Variants in ZPBP observed in about 807,000 individuals in gnomAD.
ZPBP encodes zona pellucida-binding protein 1.
In ZPBP, 26 loss-of-function variants were observed where a neutral mutation model predicts 44.8. The ratio of observed to expected loss-of-function variants is 0.58; its 90% confidence interval spans 0.43 to 0.81. The LOEUF is 0.81. Among genes scored for constraint, ZPBP ranks in the 30% least tolerant of loss-of-function variants. The pLI is 0.00. For missense variants in ZPBP, 409 were observed against 434.0 expected, an observed-to-expected ratio of 0.94 and a Z score of 0.51; for synonymous variants, 174 against 153.2, an observed-to-expected ratio of 1.14 and a Z score of -1.00.
intron 6 of ZPBP, among the ~76,000 whole-genome samples, chr7:49,989,186 A>T (rs1341712134): frequency 6.6e-6 from 1 of 152,236 alleles, no homozygotes; most frequent in African/African-American, 2.4e-5. Context: ...CTTCCCTTTA[A>T]GGAATCAAGC....
chr7:50,043,305 CCT>C (rs1041523540), intron 4 of ZPBP, among the ~76,000 whole-genome samples: 6 of 152,296 alleles, frequency 3.9e-5, no homozygotes, highest in Admixed American at 2.6e-4. Flanking sequence ...CTGTCAGCCC[CCT>C]GATTTCCCAC....
At chr7:49,900,794 C>T (rs761046083) in intron 2 of ZPBP, among the ~76,000 whole-genome samples, 3 of 151,766 alleles carry the variant, frequency 2.0e-5, no homozygotes, top group Admixed American at 1.3e-4. Context: ...CCAAACCAGA[C>T]ATAGACACTA....
At chr7:50,077,635 A>G (rs532849974) in intron 3 of ZPBP, among the ~76,000 whole-genome samples, 1 of 152,068 alleles carries the variant, frequency 6.6e-6, no homozygotes, top group African/African-American at 2.4e-5. Flanking sequence ...AAACAGGCCT[A>G]TGAAATGGTG....
At chr7:50,027,145 C>CT (rs34202650) in intron 5 of ZPBP, among the ~76,000 whole-genome samples, 117,306 of 151,676 alleles carry the variant, frequency 0.77, 45,459 homozygotes, top group East Asian at 0.87. Context: ...AATATGGACC[C>CT]TTCCCTTTGG....
chr7:49,874,302 T>C (rs901334310), intron 2 of ZPBP, among the ~76,000 whole-genome samples: 3 of 152,224 alleles, frequency 2.0e-5, no homozygotes, highest in Non-Finnish European at 4.4e-5. Context: ...TTTCTATGGT[T>C]AGATATGTTT....
At chr7:49,940,762 A>G (rs1794843550) in intron 7 of ZPBP, 2 of 985,048 alleles carry the variant, frequency 2.0e-6, no homozygotes, top group Non-Finnish European at 2.4e-6. Context: ...ATTCCATCCT[A>G]CACAACTGAG....
intron 4 of ZPBP, among the ~76,000 whole-genome samples, chr7:50,044,979 G>A (rs1374857516): frequency 6.6e-6 from 1 of 152,214 alleles, no homozygotes; most frequent in African/African-American, 2.4e-5. Flanking sequence ...ACTCTGGGAT[G>A]CAAGGCTGGT....
At chr7:50,057,029 C>T (rs1386119525) in intron 4 of ZPBP, among the ~76,000 whole-genome samples, 5 of 151,746 alleles carry the variant, frequency 3.3e-5, no homozygotes, top group South Asian at 2.1e-4. Context: ...ACCAAAAATA[C>T]AAAAAATTAG....
At chr7:50,047,261 G>T (rs1462770210) in intron 4 of ZPBP, among the ~76,000 whole-genome samples, 1 of 151,802 alleles carries the variant, frequency 6.6e-6, no homozygotes, top group Non-Finnish European at 1.5e-5. Context: ...AAACCTACAT[G>T]TTCTACACAT....
chr7:49,858,050 T>C (rs988378887), intron 2 of ZPBP, among the ~76,000 whole-genome samples: 5 of 152,304 alleles, frequency 3.3e-5, no homozygotes, highest in African/African-American at 7.2e-5. Context: ...TTTCTAGTTC[T>C]AGATCCCTGA....
At chr7:50,038,281 T>C (rs1486553122) in intron 4 of ZPBP, among the ~76,000 whole-genome samples, 1 of 152,190 alleles carries the variant, frequency 6.6e-6, no homozygotes, top group Non-Finnish European at 1.5e-5. Context: ...TCAAAGGAAC[T>C]GGTTTCACTT....
At chr7:49,991,433 G>A (rs565891742) in intron 6 of ZPBP, among the ~76,000 whole-genome samples, 3 of 152,196 alleles carry the variant, frequency 2.0e-5, no homozygotes, top group African/African-American at 7.2e-5. Flanking sequence ...GAAAGTAAGG[G>A]TTATATAATC....
At chr7:50,003,714 G>C (rs903000410) in intron 6 of ZPBP, among the ~76,000 whole-genome samples, 1 of 152,050 alleles carries the variant, frequency 6.6e-6, no homozygotes, top group Non-Finnish European at 1.5e-5. Flanking sequence ...GGAGTAATTG[G>C]GGAAGTACTT....
At chr7:49,978,857 A>T (rs1362474572) in intron 7 of ZPBP, among the ~76,000 whole-genome samples, 1 of 152,014 alleles carries the variant, frequency 6.6e-6, no homozygotes, top group East Asian at 1.9e-4. Flanking sequence ...TTAGGGTGAT[A>T]ACCTCCTGTA....
chr7:49,895,375 C>CGTA (rs1792332851), intron 2 of ZPBP, among the ~76,000 whole-genome samples: 2 of 152,186 alleles, frequency 1.3e-5, no homozygotes, highest in Non-Finnish European at 2.9e-5. Flanking sequence ...CAGGGGGACA[C>CGTA]CAATATTCAG....
intron 2 of ZPBP, among the ~76,000 whole-genome samples, chr7:49,865,934 T>G (rs1360733521): frequency 2.6e-5 from 4 of 152,234 alleles, no homozygotes; most frequent in Non-Finnish European, 5.9e-5. Flanking sequence ...TTTGTCCAGT[T>G]GAGAAAGTCT....
rs542001012 is a variant in ZPBP at position 50,000,111 on chromosome 7, A to G, written c.784-16592T>C. ...CTGTGATAAGGTATGTATAGATATT[A>G]TAATTTATAAAGTAAGTACTATGAA... On this transcript the variant is annotated intron_variant, in intron 6 of 7. Coordinates refer to ENST00000046087, the MANE Select transcript of ZPBP (RefSeq NM_007009.3). Among the ~76,000 whole-genome samples, 17 of 152,318 alleles carry G rather than the reference A, an allele frequency of 1.1e-4. No homozygotes were observed. The South Asian group carries it at 3.5e-3, about 32-fold the overall frequency.
chr7:50,011,917 G>A (rs1286339519), intron 6 of ZPBP, among the ~76,000 whole-genome samples: 2 of 151,942 alleles, frequency 1.3e-5, no homozygotes, highest in Non-Finnish European at 2.9e-5. Context: ...GGGCATGGTG[G>A]TGAATCAGAA....
At chr7:49,934,543 A>C (rs75083161), downstream of ZPBP, among the ~76,000 whole-genome samples, 439 of 152,264 alleles carry the variant, frequency 2.9e-3, 6 homozygotes, top group East Asian at 0.039. Context: ...TATGGATAAC[A>C]ATTGTACACA....
Sources: gnomAD v4.1 joint callset for allele counts (sites outside exome capture counted in the v4.1 genomes callset) on GRCh38, gnomAD v4.1.1 for gene constraint, MANE v1.5 for transcripts, NCBI Gene and HGNC (gene_info 2026-07-23, HGNC 2026-07-21) for gene names.